ZC3H12C: variants seen among roughly 807,000 people sequenced by gnomAD.
ZC3H12C encodes probable ribonuclease ZC3H12C.
In ZC3H12C, 20 loss-of-function variants were observed where a neutral mutation model predicts 76.3. The observed-to-expected ratio is 0.26, with a 90% CI of 0.18 to 0.38. The LOEUF (loss-of-function observed/expected upper bound fraction) is 0.38. Among genes scored for constraint, ZC3H12C ranks in the 10% least tolerant of loss-of-function variants. The pLI, the probability that ZC3H12C is intolerant of heterozygous loss-of-function variation, is 1.00. For missense variants in ZC3H12C, 874 were observed against 1,086.5 expected (o/e 0.80, Z 2.75); for synonymous variants, 352 against 399.6 (o/e 0.88, Z 1.42).
rs1172602827 is a variant in ZC3H12C at position 110,165,464 on chromosome 11, T to C, written c.2379T>C (p.Tyr793=). ...ACGCCTATGGGTACCGGCAGACTTA[T>C]TCCTTGCCCGATAACTCCACACAGC... ...GIDAYGYRQT[Y]SLPDNSTQPC... The change falls in exon 6 of 6, where the codon TAT becomes TAC. Residue 793 remains tyrosine (Y), a synonymous_variant. Coordinates refer to ENST00000278590, the MANE Select transcript of ZC3H12C (RefSeq NM_033390.2). 7 of 1,613,910 alleles carry C rather than the reference T, an allele frequency of 4.3e-6. No individual in the cohort carries two copies. Among genetic ancestry groups the C allele is most frequent in the Admixed American group, 1.7e-5 (1 of 60,000 alleles).
At chr11:110,095,343 A>G (rs1861094108) in intron 1 of ZC3H12C, among the ~76,000 whole-genome samples, 1 of 152,232 alleles carries the variant, frequency 6.6e-6, no homozygotes, top group African/African-American at 2.4e-5. Context: ...TGGTTGCTAC[A>G]TTAATTTTAA....
chr11:110,109,926 A>C (rs1861397601), intron 1 of ZC3H12C, among the ~76,000 whole-genome samples: 1 of 152,132 alleles, frequency 6.6e-6, no homozygotes, highest in Admixed American at 6.5e-5. Flanking sequence ...ATGCATCATG[A>C]TGAGAGTATA....
chr11:110,116,595 A>G (rs1861530300), intron 1 of ZC3H12C, among the ~76,000 whole-genome samples: 1 of 152,242 alleles, frequency 6.6e-6, no homozygotes, highest in Admixed American at 6.5e-5. Flanking sequence ...TTAGAATTAC[A>G]GTAATGAGAA....
chr11:110,141,340 A>G (rs975502368), intron 2 of ZC3H12C, among the ~76,000 whole-genome samples: 1 of 152,258 alleles, frequency 6.6e-6, no homozygotes, highest in Non-Finnish European at 1.5e-5. Flanking sequence ...AGCAGAGTTT[A>G]GCAATCTGTA....
chr11:110,151,495 T>G (rs1565265223), intron 2 of ZC3H12C, among the ~76,000 whole-genome samples: 1 of 152,186 alleles, frequency 6.6e-6, no homozygotes, highest in Non-Finnish European at 1.5e-5. Context: ...TAATGCAAAG[T>G]AAAATTTTAG....
intron 1 of ZC3H12C, among the ~76,000 whole-genome samples, chr11:110,110,096 T>A (rs1475814877): frequency 6.6e-6 from 1 of 152,212 alleles, no homozygotes; most frequent in African/African-American, 2.4e-5. Flanking sequence ...CTTTTGTTGT[T>A]GTTGTTTAAA....
chr11:110,118,881 T>G (rs1861606772), intron 1 of ZC3H12C, among the ~76,000 whole-genome samples: 1 of 152,202 alleles, frequency 6.6e-6, no homozygotes, highest in Non-Finnish European at 1.5e-5. Flanking sequence ...TATTGAAAGA[T>G]TTTAAAATTT....
chr11:110,164,291 T>C lies in ZC3H12C; in HGVS notation c.1256-50T>C, dbSNP rs779262088. 6.8e-7 allele frequency: 1 copy of C among 1,473,144 alleles called. No individual in the cohort carries two copies. Among genetic ancestry groups the C allele is most frequent in the Non-Finnish European group, 9.0e-7 (1 of 1,109,812 alleles). The allele number at this position is 1,473,144 out of a possible 1,614,324, so 91.3% of individuals were successfully genotyped here. ...AAAATCATAGGGCCAAACTGAGTTTTCAGGATCTGATGGTATGCTCCTTTG... is the reference window on the plus strand; with the variant it reads ...AAAATCATAGGGCCAAACTGAGTTTCCAGGATCTGATGGTATGCTCCTTTG... On this transcript the variant is annotated intron_variant, in intron 5 of 5. Transcript: ENST00000278590. This position sits in a 1 kb window ranked among gnomAD's most constrained non-coding sequence, Gnocchi z 5.7.
intron 1 of ZC3H12C, among the ~76,000 whole-genome samples, chr11:110,130,048 C>G (rs1183014211): frequency 1.3e-5 from 2 of 152,018 alleles, no homozygotes; most frequent in African/African-American, 4.8e-5. Flanking sequence ...AGTATTACAT[C>G]TTACAAATTT....
chr11:110,168,951 G>C lies in ZC3H12C; in HGVS notation c.*3214G>C, dbSNP rs1269909991. 2 of 152,072 alleles carry C rather than the reference G, an allele frequency of 1.3e-5. 1 individual carries two copies. The highest frequency in any genetic ancestry group is 6.3e-3 in the Middle Eastern group (2 of 316). 9.4% of individuals were successfully genotyped at this position (152,072 alleles called of 1,614,324 possible). On this transcript the variant is annotated 3_prime_UTR_variant, in exon 6 of 6. Transcript: ENST00000278590. Reference sequence around the variant, plus strand: ...TATGTATATCTATATACACAAATATGTATTTGTTATGAGGTATTAAAAACA... The same window carrying C: ...TATGTATATCTATATACACAAATATCTATTTGTTATGAGGTATTAAAAACA...
At chr11:110,128,889 C>CAAAAAAAAA (rs145436449) in intron 1 of ZC3H12C, among the ~76,000 whole-genome samples, 11 of 94,114 alleles carry the variant, frequency 1.2e-4, no homozygotes, top group East Asian at 3.3e-4. Context: ...CCACCACTAA[C>CAAAAAAAAA]AAAAAAAAAA....
At chr11:110,144,559 T>C (rs1471773314) in intron 2 of ZC3H12C, among the ~76,000 whole-genome samples, 3 of 152,214 alleles carry the variant, frequency 2.0e-5, no homozygotes, top group Non-Finnish European at 4.4e-5. Flanking sequence ...TCTAGGTACT[T>C]TGTATCATTA....
At chr11:110,096,813 G>A (rs1861121226) in intron 1 of ZC3H12C, among the ~76,000 whole-genome samples, 1 of 152,192 alleles carries the variant, frequency 6.6e-6, no homozygotes, top group Admixed American at 6.5e-5. Flanking sequence ...GTCTGGCCAG[G>A]TAAGTTGAAG....
At chr11:110,155,423 A>T (rs1407683030) in intron 3 of ZC3H12C, among the ~76,000 whole-genome samples, 1 of 152,188 alleles carries the variant, frequency 6.6e-6, no homozygotes, top group African/African-American at 2.4e-5. Flanking sequence ...TAAAATGTTA[A>T]TATTCTTGGA....
intron 3 of ZC3H12C, among the ~76,000 whole-genome samples, chr11:110,154,115 T>C (rs1862328219): frequency 6.6e-6 from 1 of 152,232 alleles, no homozygotes; most frequent in Admixed American, 6.5e-5. Flanking sequence ...CTCATGCCTG[T>C]AATCCCAGAA....
chr11:110,123,345 A>T (rs1488522917), intron 1 of ZC3H12C, among the ~76,000 whole-genome samples: 1 of 152,240 alleles, frequency 6.6e-6, no homozygotes, highest in East Asian at 1.9e-4. Context: ...CTATTTGCTT[A>T]ATGAATTTTT....
In ZC3H12C at chr11:110,152,810, G is replaced by A. The variant is rs974842289; in HGVS notation, c.774-109G>A. The A allele has an allele frequency of 3.9e-5, 48 of 1,235,554 alleles. 1 individual carries two copies. In the Admixed American group the frequency reaches 8.1e-4, roughly 21 times the overall value. The allele number at this position is 1,235,554 out of a possible 1,614,324, so 76.5% of individuals were successfully genotyped here. On this transcript the variant is annotated intron_variant, in intron 2 of 5. Transcript: ENST00000278590. Reference sequence around the variant, plus strand: ...CTATAAACTCCATTTTAACTCTGACGTCTCTTATTACTGTTGTAACTATGT... The same window carrying A: ...CTATAAACTCCATTTTAACTCTGACATCTCTTATTACTGTTGTAACTATGT...
intron 1 of ZC3H12C, among the ~76,000 whole-genome samples, chr11:110,102,363 G>A (rs1861232788): frequency 6.6e-6 from 1 of 151,258 alleles, no homozygotes; most frequent in Non-Finnish European, 1.5e-5. Flanking sequence ...TGACTTTGAG[G>A]GCTTCAAGAC....
chr11:110,105,312 T>G (rs1861302077), intron 1 of ZC3H12C, among the ~76,000 whole-genome samples: 1 of 152,184 alleles, frequency 6.6e-6, no homozygotes, highest in Non-Finnish European at 1.5e-5. Flanking sequence ...TGATGTAATT[T>G]TAAATGACTA....
Sources: allele counts gnomAD v4.1 joint callset (sites outside exome capture counted in the v4.1 genomes callset), GRCh38; gene constraint gnomAD v4.1.1; non-coding constraint Gnocchi (gnomAD v3.1); transcripts MANE v1.5; gene names NCBI Gene and HGNC (gene_info 2026-07-23, HGNC 2026-07-21).